The following RIPOR3 variants were observed in gnomAD, a reference collection of about 807,000 sequenced individuals.
The protein encoded by RIPOR3 is RIPOR family member 3.
Under a neutral mutation model 114.3 loss-of-function variants are expected in RIPOR3, and 95 were observed. The observed-to-expected ratio is 0.83, with a 90% CI of 0.70 to 0.99. RIPOR3 has a LOEUF of 0.99. Among genes scored for constraint, RIPOR3 ranks in the 50% least tolerant of loss-of-function variants. RIPOR3 has a pLI of 0.00. For synonymous variants in RIPOR3, 575 were observed against 543.8 expected (o/e 1.06, Z -0.80); for missense variants, 1,252 against 1,266.9 (o/e 0.99, Z 0.18).
rs113917242 is a variant in RIPOR3 at position 50,610,763 on chromosome 20, G to A, written c.426+90C>T. On this transcript the variant is annotated intron_variant, in intron 6 of 21. Transcript: ENST00000327979. ...CCAGAGGCCCTGATCCCTGTTTCGA[G>A]GGCACCTCCCCAGCTCCTGCTAACC... 5,716 of 1,569,774 alleles carry A rather than the reference G, an allele frequency of 3.6e-3. 137 individuals carry two copies. The African/African-American group carries it at 0.056, about 15-fold the overall frequency.
chr20:50,671,293 G>T (rs776227597), intron 1 of RIPOR3, among the ~76,000 whole-genome samples: 8 of 152,082 alleles, frequency 5.3e-5, no homozygotes, highest in Non-Finnish European at 1.0e-4. Context: ...CCAGCCATGG[G>T]TAGGCACTTC....
At chr20:50,616,152 C>CA (rs1334285541) in intron 3 of RIPOR3, 72 bp from the exon 4 acceptor site, 2 of 1,471,318 alleles carry the variant, frequency 1.4e-6, no homozygotes, top group African/African-American at 2.8e-5. Flanking sequence ...GCCAAATGGA[C>CA]AATGTCCCCA....
chr20:50,681,312 T>C (rs1198603847), intron 1 of RIPOR3, among the ~76,000 whole-genome samples: 3 of 142,764 alleles, frequency 2.1e-5, no homozygotes, highest in African/African-American at 7.8e-5. Flanking sequence ...CTGGAAAAGA[T>C]AGCTCTTTTT....
chr20:50,616,369 T>C (rs1479738557), intron 3 of RIPOR3, among the ~76,000 whole-genome samples: 2 of 151,992 alleles, frequency 1.3e-5, no homozygotes, highest in Non-Finnish European at 2.9e-5. Context: ...TGAGACAAGG[T>C]CCCCCCTCTC....
At chr20:50,606,332 C>A (rs1486748670) in intron 11 of RIPOR3, among the ~76,000 whole-genome samples, 1 of 152,210 alleles carries the variant, frequency 6.6e-6, no homozygotes, top group Non-Finnish European at 1.5e-5. Flanking sequence ...TCAATTCATG[C>A]TAAATCAAGG....
chr20:50,639,856 G>A (rs1243689249), intron 1 of RIPOR3, among the ~76,000 whole-genome samples: 3 of 152,042 alleles, frequency 2.0e-5, no homozygotes, highest in Non-Finnish European at 4.4e-5. Context: ...GAGGGTCCCT[G>A]GACCTCAGCA....
intron 2 of RIPOR3, among the ~76,000 whole-genome samples, chr20:50,630,368 G>A (rs985753575): frequency 6.6e-6 from 1 of 152,044 alleles, no homozygotes; most frequent in African/African-American, 2.4e-5. Flanking sequence ...CTCCTGCCTC[G>A]GCCTCCCAAA....
intron 19 of RIPOR3, among the ~76,000 whole-genome samples, chr20:50,591,203 CAG>C (rs1313765342): frequency 6.6e-6 from 1 of 152,092 alleles, no homozygotes; most frequent in Non-Finnish European, 1.5e-5. Context: ...AAAAATAAAA[CAG>C]GATGCTTGAG....
chr20:50,680,380 A>G (rs993538451), intron 1 of RIPOR3, among the ~76,000 whole-genome samples: 2 of 152,204 alleles, frequency 1.3e-5, no homozygotes, highest in Admixed American at 6.5e-5. Context: ...GGAAAGAAAA[A>G]TCACTTTTTT....
chr20:50,623,212 A>C (rs1327401060), intron 2 of RIPOR3, among the ~76,000 whole-genome samples: 1 of 151,226 alleles, frequency 6.6e-6, no homozygotes, highest in Admixed American at 6.6e-5. Flanking sequence ...GTGAGCCGAG[A>C]TCATGCCACT....
chr20:50,604,166 CAA>C (rs1044765986), intron 12 of RIPOR3, among the ~76,000 whole-genome samples: 2 of 134,950 alleles, frequency 1.5e-5, no homozygotes, highest in South Asian at 2.3e-4. Flanking sequence ...GCCTGGGAGA[CAA>C]GAGCGAAACT....
chr20:50,642,702 G>A (rs1449200277), intron 1 of RIPOR3, among the ~76,000 whole-genome samples: 1 of 150,562 alleles, frequency 6.6e-6, no homozygotes. Context: ...ACCAATCTCT[G>A]CCTCCCTCTC....
intron 3 of RIPOR3, 131 bp from the exon 4 acceptor site, chr20:50,616,211 G>T (rs2084167773): frequency 3.6e-6 from 3 of 836,828 alleles, no homozygotes; most frequent in African/African-American, 1.7e-5. Flanking sequence ...CAGGTAGGAA[G>T]CCAGGCTCCC....
In RIPOR3 at chr20:50,691,180, C is replaced by T. The variant is rs954804873; in HGVS notation, c.-52G>A. ...GTCCCGCCGCCCTCCTTGCAGCTGC[C>T]TCACTTTCCCTATTGCCGCCAGCAA... On this transcript the variant is annotated 5_prime_UTR_variant, in exon 1 of 22. Transcript: ENST00000327979. 1.6e-6 allele frequency: 2 copies of T among 1,289,300 alleles called. No homozygotes were observed. The highest frequency in any genetic ancestry group is 2.3e-5 in the Admixed American group (1 of 43,544). 79.9% of individuals were successfully genotyped at this position (1,289,300 alleles called of 1,614,324 possible). A position where few individuals can be genotyped will look rare whatever the true frequency, so the allele number is the denominator to read the frequency against.
chr20:50,620,470 T>C (rs938407882), intron 2 of RIPOR3, among the ~76,000 whole-genome samples: 1 of 151,814 alleles, frequency 6.6e-6, no homozygotes, highest in Non-Finnish European at 1.5e-5. Flanking sequence ...CTACTAAAAA[T>C]ACAAAAATTA....
intron 1 of RIPOR3, among the ~76,000 whole-genome samples, chr20:50,672,524 C>T (rs2086551005): frequency 6.6e-6 from 1 of 152,204 alleles, no homozygotes; most frequent in Non-Finnish European, 1.5e-5. Flanking sequence ...GACAAACCAA[C>T]CAACAGCCAC....
chr20:50,614,415 G>A (rs2084087547), intron 4 of RIPOR3, among the ~76,000 whole-genome samples: 3 of 152,214 alleles, frequency 2.0e-5, no homozygotes, highest in African/African-American at 2.4e-5. Flanking sequence ...GGCCTGTTCT[G>A]CACATTGGTG....
chr20:50,589,993 C>T (rs930872988), intron 19 of RIPOR3: 5 of 462,012 alleles, frequency 1.1e-5, no homozygotes, highest in African/African-American at 2.0e-5. Context: ...AGGGCTAATA[C>T]AATGAAGAAA....
intron 19 of RIPOR3, among the ~76,000 whole-genome samples, chr20:50,591,722 G>A (rs576138750): frequency 2.6e-5 from 4 of 152,318 alleles, no homozygotes; most frequent in Non-Finnish European, 2.9e-5. Context: ...CACTCTCTTG[G>A]TTTTCAAATG....
Sources: allele counts gnomAD v4.1 joint callset (sites outside exome capture counted in the v4.1 genomes callset), GRCh38; gene constraint gnomAD v4.1.1; transcripts MANE v1.5; gene names NCBI Gene and HGNC (gene_info 2026-07-23, HGNC 2026-07-21).